Variants in CCSER1 observed in about 807,000 individuals in gnomAD.
The protein encoded by CCSER1 is coiled-coil serine rich protein 1, also known as serine-rich coiled-coil domain-containing protein 1.
In CCSER1, 41 loss-of-function variants were observed where a neutral mutation model predicts 82.0. That is an observed-to-expected ratio of 0.50 (90% CI 0.39 to 0.65). The LOEUF (loss-of-function observed/expected upper bound fraction) is 0.65. Ranked by LOEUF, CCSER1 falls within the 30% of genes least tolerant of loss-of-function variation. The probability of loss-of-function intolerance (pLI) is 0.00; values close to 1 mark genes in which losing one functional copy is unlikely to be tolerated. For synonymous variants in CCSER1, 414 were observed against 383.9 expected (o/e 1.08, Z -0.92); for missense variants, 1,119 against 1,064.2 (o/e 1.05, Z -0.72).
chr4:90,507,453 ATAGTT>A (rs1370878491), intron 5 of CCSER1, among the ~76,000 whole-genome samples: 2 of 152,114 alleles, frequency 1.3e-5, no homozygotes, highest in African/African-American at 4.8e-5. Flanking sequence ...TGTGATTTTT[ATAGTT>A]TATTTTTCTT....
chr4:90,740,111 T>G (rs964822327), intron 7 of CCSER1, among the ~76,000 whole-genome samples: 1 of 152,194 alleles, frequency 6.6e-6, no homozygotes, highest in South Asian at 2.1e-4. Flanking sequence ...AAATTTCCAT[T>G]AAATGTCACC....
At chr4:91,460,216 C>T (rs1283677437) in intron 10 of CCSER1, among the ~76,000 whole-genome samples, 1 of 152,054 alleles carries the variant, frequency 6.6e-6, no homozygotes, top group Non-Finnish European at 1.5e-5. Flanking sequence ...CTGTTTATTT[C>T]CTTCGTCTAA....
chr4:91,426,062 C>T (rs1379825621), intron 10 of CCSER1, among the ~76,000 whole-genome samples: 2 of 152,064 alleles, frequency 1.3e-5, no homozygotes, highest in African/African-American at 2.4e-5. Flanking sequence ...CAATAGGCCC[C>T]GATGTGTGAT....
intron 9 of CCSER1, among the ~76,000 whole-genome samples, chr4:90,945,571 G>A (rs1178696496): frequency 1.3e-5 from 2 of 152,078 alleles, no homozygotes; most frequent in Non-Finnish European, 2.9e-5. Flanking sequence ...AAGAAAACCC[G>A]AATACAATAT....
chr4:91,100,840 C>G (rs1410691589), intron 10 of CCSER1, among the ~76,000 whole-genome samples: 2 of 152,044 alleles, frequency 1.3e-5, no homozygotes, highest in Non-Finnish European at 2.9e-5. Context: ...ACCTGTTGAT[C>G]AAGCAAAACT....
rs978410720 is a variant in CCSER1, at chr4:90,468,320, A to C, written c.1690A>C (p.Arg564=). The C allele has an allele frequency of 7.5e-6, 12 of 1,607,922 alleles. No individual in the cohort carries two copies. Among genetic ancestry groups the C allele is most frequent in the Non-Finnish European group, 8.5e-6 (10 of 1,176,112 alleles). The change falls in exon 5 of 11, where the codon AGA becomes CGA. Residue 564 remains arginine, a synonymous_variant. Coordinates refer to ENST00000509176, the MANE Select transcript of CCSER1 (RefSeq NM_001145065.2). ...GGAACCAATGATAGAAATGAAGAAA[A>C]GAGAAGAACCAGAATTTCCTGAGCC... is the stretch of plus-strand genomic sequence containing the variant. ...PMEPMIEMKK[R]EEPEFPEPSK...
intron 10 of CCSER1, among the ~76,000 whole-genome samples, chr4:91,269,850 T>C (rs895766945): frequency 6.6e-6 from 1 of 152,198 alleles, no homozygotes; most frequent in African/African-American, 2.4e-5. Flanking sequence ...AATTGTGTAC[T>C]TTTAAAATAA....
chr4:91,394,336 T>G (rs571368228), intron 10 of CCSER1, among the ~76,000 whole-genome samples: 3 of 152,200 alleles, frequency 2.0e-5, no homozygotes, highest in African/African-American at 7.2e-5. Context: ...TATCTCAATA[T>G]CATCATTAGA....
intron 3 of CCSER1, among the ~76,000 whole-genome samples, chr4:90,369,764 A>G (rs1476959254): frequency 6.6e-6 from 1 of 152,090 alleles, no homozygotes; most frequent in African/African-American, 2.4e-5. Flanking sequence ...CTACCCCTCC[A>G]GTTCTAACTT....
At chr4:90,455,186 C>G (rs1762008453) in intron 4 of CCSER1, among the ~76,000 whole-genome samples, 1 of 152,196 alleles carries the variant, frequency 6.6e-6, no homozygotes, top group African/African-American at 2.4e-5. Flanking sequence ...GCTCTCATGT[C>G]TACAGAAAAG....
At chr4:91,055,699 C>T (rs1743379623) in intron 9 of CCSER1, among the ~76,000 whole-genome samples, 1 of 151,942 alleles carries the variant, frequency 6.6e-6, no homozygotes, top group Non-Finnish European at 1.5e-5. Context: ...TGGGAAATTT[C>T]TGGCCTTTAT....
intron 10 of CCSER1, among the ~76,000 whole-genome samples, chr4:91,154,490 TCC>T: frequency 8.3e-6 from 1 of 120,142 alleles, no homozygotes; most frequent in Non-Finnish European, 1.8e-5. Flanking sequence ...GTTGCCCTGC[TCC>T]TGCTCCTGCT....
At chr4:90,161,024 A>G (rs1729335911) in intron 1 of CCSER1, among the ~76,000 whole-genome samples, 1 of 152,172 alleles carries the variant, frequency 6.6e-6, no homozygotes, top group Non-Finnish European at 1.5e-5. Flanking sequence ...GCTACCTAAA[A>G]GAGAAACAAG....
chr4:90,987,324 G>T (rs1736656103), intron 9 of CCSER1, among the ~76,000 whole-genome samples: 1 of 150,986 alleles, frequency 6.6e-6, no homozygotes, highest in Non-Finnish European at 1.5e-5. Context: ...GGGTCTTGTA[G>T]TTTCATGTGA....
At chr4:91,025,707 G>A (rs1335963214) in intron 9 of CCSER1, among the ~76,000 whole-genome samples, 1 of 152,126 alleles carries the variant, frequency 6.6e-6, no homozygotes, top group East Asian at 1.9e-4. Flanking sequence ...GAGCTAAGAA[G>A]GGAGAAATCC....
At chr4:91,143,997 G>A (rs985634730) in intron 10 of CCSER1, among the ~76,000 whole-genome samples, 3 of 151,936 alleles carry the variant, frequency 2.0e-5, no homozygotes, top group African/African-American at 7.2e-5. Flanking sequence ...TGTACAATGT[G>A]TTAGAGATAA....
At chr4:91,283,924 A>C (rs183802585) in intron 10 of CCSER1, among the ~76,000 whole-genome samples, 88 of 152,188 alleles carry the variant, frequency 5.8e-4, no homozygotes, top group Admixed American at 7.2e-4. Flanking sequence ...TGGCATGCTG[A>C]TTGAGACCAA....
chr4:91,595,813 A>G, intron 10 of CCSER1, among the ~76,000 whole-genome samples: 1 of 151,932 alleles, frequency 6.6e-6, no homozygotes, highest in Admixed American at 6.6e-5. Flanking sequence ...AGTGTGGCCA[A>G]TAAATATTTA....
At chr4:90,470,758 A>C (rs1363480729) in intron 5 of CCSER1, among the ~76,000 whole-genome samples, 7 of 143,120 alleles carry the variant, frequency 4.9e-5, no homozygotes, top group African/African-American at 1.9e-4. Context: ...CCTTTTAATC[A>C]AAGCAAAAAA....
Sources: allele counts gnomAD v4.1 joint callset (sites outside exome capture counted in the v4.1 genomes callset), GRCh38; gene constraint gnomAD v4.1.1; transcripts MANE v1.5; gene names NCBI Gene and HGNC (gene_info 2026-07-23, HGNC 2026-07-21).